Variants in TMEM117 observed in about 807,000 individuals in gnomAD.
TMEM117 encodes the protein transmembrane protein 117.
TMEM117 carries 27 observed loss-of-function variants against 52.4 expected under a neutral mutation model. That is an observed-to-expected ratio of 0.51 (90% CI 0.38 to 0.71). TMEM117 has a LOEUF of 0.71. Among genes scored for constraint, TMEM117 ranks in the 30% least tolerant of loss-of-function variants. The pLI is 0.00. For synonymous variants in TMEM117, 215 were observed against 206.3 expected (o/e 1.04, Z -0.36); for missense variants, 556 against 630.5 (o/e 0.88, Z 1.26).
At chr12:44,279,739 C>T (rs998713726) in intron 5 of TMEM117, among the ~76,000 whole-genome samples, 3 of 152,124 alleles carry the variant, frequency 2.0e-5, no homozygotes, top group African/African-American at 7.2e-5. Flanking sequence ...GTCTTGAACT[C>T]CTGGGCTCAG....
In TMEM117 at chr12:44,274,613, C is replaced by A. The variant is rs145439773; in HGVS notation, c.609-24967C>A. On this transcript the variant is annotated intron_variant, in intron 5 of 7. Transcript: ENST00000266534. ...ACTGGCATAAACACAGACACATAGA[C>A]CAATGGAACAGAATAGAGAACCCAG... Among the ~76,000 whole-genome samples the A allele has an allele frequency of 8.2e-3, 1,244 of 152,074 alleles. 12 individuals are homozygous for A. The highest frequency in any genetic ancestry group is 0.029 in the African/African-American group (1,184 of 41,478).
chr12:43,863,280 AAAC>A (rs1329363590), intron 2 of TMEM117, among the ~76,000 whole-genome samples: 16 of 133,036 alleles, frequency 1.2e-4, no homozygotes, highest in Middle Eastern at 3.8e-3. Flanking sequence ...ACAAACAAAC[AAAC>A]AAAACTTCAA....
At position 44,264,609 on chromosome 12, in the gene TMEM117, C is replaced by A. The variant is rs140330509; in HGVS notation, c.609-34971C>A. ...GCTGCAAGGGAAGTAAAGGACTGAG[C>A]AACTTTTATTATTTTGATAGTGTAT... On this transcript the variant is annotated intron_variant, in intron 5 of 7. Transcript: ENST00000266534. Among the ~76,000 whole-genome samples the A allele has an allele frequency of 1.9e-3, 293 of 152,154 alleles. 3 individuals are homozygous for A. Among genetic ancestry groups the A allele is most frequent in the Non-Finnish European group, 3.2e-3 (221 of 68,000 alleles).
intron 4 of TMEM117, among the ~76,000 whole-genome samples, chr12:44,152,036 ATAT>A (rs1471737747): frequency 8.4e-6 from 1 of 119,118 alleles, no homozygotes; most frequent in Non-Finnish European, 1.6e-5. Flanking sequence ...TATGTAATAT[ATAT>A]TATATTAATC....
intron 6 of TMEM117, among the ~76,000 whole-genome samples, chr12:44,369,925 G>A (rs1269494640): frequency 6.6e-6 from 1 of 152,166 alleles, no homozygotes; most frequent in East Asian, 1.9e-4. Context: ...TACAACATAA[G>A]AGAAAAGGGG....
chr12:44,065,236 G>A (rs113385419), intron 3 of TMEM117, among the ~76,000 whole-genome samples: 14,559 of 151,886 alleles, frequency 0.096, 1,115 homozygotes, highest in African/African-American at 0.21. Flanking sequence ...AAAATTTGCC[G>A]GGAGTTGTGA....
At chr12:44,316,278 C>T (rs1951052990) in intron 6 of TMEM117, among the ~76,000 whole-genome samples, 1 of 152,076 alleles carries the variant, frequency 6.6e-6, no homozygotes, top group African/African-American at 2.4e-5. Context: ...GATACATTCT[C>T]TTAGCGTTTT....
At chr12:44,355,359 C>T (rs1398521124) in intron 6 of TMEM117, among the ~76,000 whole-genome samples, 1 of 151,938 alleles carries the variant, frequency 6.6e-6, no homozygotes, top group Non-Finnish European at 1.5e-5. Context: ...TTTCCATTGC[C>T]TATTTGGAGG....
intron 3 of TMEM117, among the ~76,000 whole-genome samples, chr12:43,985,713 T>G (rs924315721): frequency 1.3e-5 from 2 of 152,228 alleles, no homozygotes. Flanking sequence ...TGCTAGAAAC[T>G]GAAAATGAAG....
intron 3 of TMEM117, among the ~76,000 whole-genome samples, chr12:43,952,659 T>TA (rs1945243149): frequency 6.6e-6 from 1 of 152,102 alleles, no homozygotes; most frequent in Non-Finnish European, 1.5e-5. Flanking sequence ...AGATGGAACT[T>TA]ACAACTGATT....
chr12:44,223,427 C>T (rs1287785026), intron 5 of TMEM117, among the ~76,000 whole-genome samples: 1 of 148,082 alleles, frequency 6.8e-6, no homozygotes, highest in Non-Finnish European at 1.5e-5. Context: ...CCTTACTCAA[C>T]CCCCATACCA....
intron 2 of TMEM117, among the ~76,000 whole-genome samples, chr12:43,864,979 T>G (rs1458935114): frequency 2.0e-5 from 3 of 151,550 alleles, no homozygotes; most frequent in Non-Finnish European, 2.9e-5. Context: ...ACCCGCCACC[T>G]TAAGAGAGCT....
chr12:44,346,997 A>G (rs1359121648), intron 6 of TMEM117, among the ~76,000 whole-genome samples: 1 of 151,862 alleles, frequency 6.6e-6, no homozygotes. Flanking sequence ...AAGGACATTT[A>G]TTTTTTATTG....
At chr12:44,316,697 C>T (rs1951058790) in intron 6 of TMEM117, among the ~76,000 whole-genome samples, 1 of 152,186 alleles carries the variant, frequency 6.6e-6, no homozygotes, top group East Asian at 1.9e-4. Context: ...TACTTTTTCT[C>T]CTCCTCTCTC....
chr12:44,258,929 T>G (rs921255861), intron 5 of TMEM117, among the ~76,000 whole-genome samples: 2 of 152,156 alleles, frequency 1.3e-5, no homozygotes, highest in African/African-American at 4.8e-5. Context: ...AAGCATAAAG[T>G]CACCATGGAT....
chr12:43,799,547 A>T, the TMEM117 span: 3 of 1,154,612 alleles, frequency 2.6e-6, no homozygotes, highest in Non-Finnish European at 3.7e-6. Context: ...TCTAGAAGTA[A>T]AATGACAGTG....
rs77612378 is a variant in TMEM117, at chr12:43,977,083, A to G, written c.410+32741A>G. On this transcript the variant is annotated intron_variant, in intron 3 of 7. Coordinates refer to ENST00000266534, the MANE Select transcript of TMEM117 (RefSeq NM_032256.3). ...AAAGGCAGATCTAAGAGATGAGCCT[A>G]ATAGAGTGTAGCAGGTGCAGGTTGC... 4.4e-3 allele frequency among the ~76,000 whole-genome samples: 668 copies of G among 152,262 alleles called. 5 individuals carry two copies. The highest frequency in any genetic ancestry group is 0.015 in the African/African-American group (628 of 41,564).
chr12:44,036,621 C>A (rs1367799913), intron 3 of TMEM117, among the ~76,000 whole-genome samples: 2 of 152,056 alleles, frequency 1.3e-5, no homozygotes, highest in African/African-American at 4.8e-5. Context: ...CATAAAAAAT[C>A]TTTTTTTGTT....
In TMEM117 at chr12:44,376,630, T is replaced by C. The variant is rs767157164; in HGVS notation, c.804T>C (p.Asp268=). ...WEFPHFMGDV[D]VNLPGLHTPH... Reference sequence around the variant, plus strand: ...TCCCACATTTCATGGGAGATGTTGATGTAAATCTCCCTGGTTTGCACACCC... The same window carrying C: ...TCCCACATTTCATGGGAGATGTTGACGTAAATCTCCCTGGTTTGCACACCC... The change falls in exon 7 of 8, where the codon GAT becomes GAC. Residue 268 remains aspartate, a synonymous_variant. Transcript: ENST00000266534. 16 of 1,609,540 alleles carry C rather than the reference T, an allele frequency of 9.9e-6. 1 individual carries two copies. In the South Asian group the frequency reaches 1.6e-4, roughly 16 times the overall value.
Sources: gnomAD v4.1 joint callset for allele counts (sites outside exome capture counted in the v4.1 genomes callset) on GRCh38, gnomAD v4.1.1 for gene constraint, MANE v1.5 for transcripts, NCBI Gene and HGNC (gene_info 2026-07-23, HGNC 2026-07-21) for gene names.